Variants in DNAJC6 observed in about 807,000 individuals in gnomAD.
DNAJC6 encodes the protein auxilin.
In DNAJC6, 34 loss-of-function variants were observed where a neutral mutation model predicts 110.0. The ratio of observed to expected loss-of-function variants is 0.31; its 90% confidence interval spans 0.24 to 0.41. DNAJC6 has a LOEUF of 0.41. Ranked by LOEUF, DNAJC6 falls within the 10% of genes least tolerant of loss-of-function variation. DNAJC6 has a pLI of 1.00. For missense variants in DNAJC6, 1,031 were observed against 1,207.8 expected (o/e 0.85, Z 2.17); for synonymous variants, 406 against 437.2 (o/e 0.93, Z 0.89).
intron 15 of DNAJC6, among the ~76,000 whole-genome samples, chr1:65,405,578 T>A (rs1646067941): frequency 6.6e-6 from 1 of 152,132 alleles, no homozygotes; most frequent in Non-Finnish European, 1.5e-5. Flanking sequence ...CAGAATCAAG[T>A]CTCGGCTCAG....
chr1:65,298,518 C>A (rs2101262455), intron 1 of DNAJC6, among the ~76,000 whole-genome samples: 1 of 152,182 alleles, frequency 6.6e-6, no homozygotes, highest in African/African-American at 2.4e-5. Context: ...AGTTACTTCC[C>A]CCAAATTATG....
chr1:65,392,619 G>A lies in DNAJC6; in HGVS notation c.1657G>A (p.Asp553Asn), dbSNP rs934283800. 9 of 1,613,896 alleles carry A rather than the reference G, an allele frequency of 5.6e-6. No individual in the cohort carries two copies. The highest frequency in any genetic ancestry group is 7.6e-6 in the Non-Finnish European group (9 of 1,179,944). ...GCCAGCAGCCCCTCCACCCCCTGAG[G>A]ATGTGGACCTTTTGGGCCTGGAAGG... Reference protein sequence around the residue: ...QEPAAPPPPEDVDLLGLEGSA... With the variant: ...QEPAAPPPPENVDLLGLEGSA... The change falls in exon 12 of 19, where the codon GAT becomes AAT. Residue 553 changes from aspartate to asparagine, a missense_variant. Transcript: ENST00000371069.
At position 65,414,669 on chromosome 1, in the gene DNAJC6, C is replaced by G. The variant is rs1372083058; in HGVS notation, c.*1644C>G. On this transcript the variant is annotated 3_prime_UTR_variant, in exon 19 of 19. Transcript: ENST00000371069. ...CAATGTGAAACTCGAAGAAAATGTT[C>G]TCTTTTTAAATATACAGTCATAAAC... 2 of 152,592 alleles carry G rather than the reference C, an allele frequency of 1.3e-5. No individual in the cohort carries two copies. Among genetic ancestry groups the G allele is most frequent in the Non-Finnish European group, 2.9e-5 (2 of 68,028 alleles). 9.5% of individuals were successfully genotyped at this position (152,592 alleles called of 1,614,324 possible). A position where few individuals can be genotyped will look rare whatever the true frequency, so the allele number is the denominator to read the frequency against.
chr1:65,321,457 A>G (rs1487752241), intron 1 of DNAJC6, among the ~76,000 whole-genome samples: 1 of 152,086 alleles, frequency 6.6e-6, no homozygotes, highest in Admixed American at 6.5e-5. Flanking sequence ...TTGGCCTCCC[A>G]ATATACAGGG....
At chr1:65,389,676 T>G (rs1269498091) in intron 11 of DNAJC6, 49 bp downstream of exon 11, 1 of 1,594,262 alleles carries the variant, frequency 6.3e-7, no homozygotes, top group Non-Finnish European at 8.6e-7. Flanking sequence ...ATTATGTATT[T>G]CTTCTGTAAA....
At chr1:65,336,208 G>A (rs1355637970) in intron 1 of DNAJC6, among the ~76,000 whole-genome samples, 1 of 152,116 alleles carries the variant, frequency 6.6e-6, no homozygotes, top group African/African-American at 2.4e-5. Context: ...TCTTCATGCA[G>A]CAGCAGCAAG....
chr1:65,332,597 C>T (rs922887493), intron 1 of DNAJC6, among the ~76,000 whole-genome samples: 8 of 152,186 alleles, frequency 5.3e-5, no homozygotes, highest in African/African-American at 1.9e-4. Context: ...GGAGTAAGTG[C>T]TGTCACGCTT....
chr1:65,277,925 A>G (rs1653725474), intron 1 of DNAJC6, among the ~76,000 whole-genome samples: 1 of 152,262 alleles, frequency 6.6e-6, no homozygotes. Flanking sequence ...CTTGCCCTAC[A>G]GGGAGTGTCT....
At chr1:65,394,024 A>G (rs890115583) in intron 12 of DNAJC6, among the ~76,000 whole-genome samples, 9 of 152,202 alleles carry the variant, frequency 5.9e-5, no homozygotes, top group Admixed American at 1.3e-4. Flanking sequence ...TCTGTACTTC[A>G]CTTCCTTCCA....
intron 4 of DNAJC6, among the ~76,000 whole-genome samples, chr1:65,374,110 T>G (rs1645736137): frequency 6.6e-6 from 1 of 152,186 alleles, no homozygotes; most frequent in African/African-American, 2.4e-5. Flanking sequence ...GACTTATATC[T>G]GGGTTCTCTA....
intron 1 of DNAJC6, among the ~76,000 whole-genome samples, chr1:65,356,947 T>C (rs1007816108): frequency 6.6e-6 from 1 of 152,218 alleles, no homozygotes; most frequent in Non-Finnish European, 1.5e-5. Flanking sequence ...AAGCAGTGGC[T>C]TTTTCCATGG....
rs11812024 is a variant in DNAJC6 at position 65,328,364 on chromosome 1, C to T, written c.193+18426C>T. 5.1e-4 allele frequency among the ~76,000 whole-genome samples: 77 copies of T among 152,282 alleles called. 1 individual carries two copies. Among genetic ancestry groups the T allele is most frequent in the African/African-American group, 1.8e-3 (74 of 41,540 alleles). On this transcript the variant is annotated intron_variant, in intron 1 of 18. Transcript: ENST00000371069. ...ATTTTTATTGAAATAATTATAGATT[C>T]ACATGCAGTTGTGAGAAACAGTACA...
At chr1:65,290,473 G>A (rs1026534669) in intron 1 of DNAJC6, among the ~76,000 whole-genome samples, 4 of 152,116 alleles carry the variant, frequency 2.6e-5, no homozygotes. Flanking sequence ...TGAAAGCTTT[G>A]TTTTAGAGTA....
At chr1:65,399,401 T>C (rs1256877859) in intron 14 of DNAJC6, among the ~76,000 whole-genome samples, 1 of 152,172 alleles carries the variant, frequency 6.6e-6, no homozygotes, top group Non-Finnish European at 1.5e-5. Context: ...ACTATGGCAT[T>C]TATGGAGCTG....
chr1:65,344,537 G>A (rs1180877148), intron 1 of DNAJC6, among the ~76,000 whole-genome samples: 1 of 152,074 alleles, frequency 6.6e-6, no homozygotes, highest in Non-Finnish European at 1.5e-5. Flanking sequence ...TGTCATTGAT[G>A]CATTTCAGTT....
At chr1:65,375,428 T>G (rs984731758) in intron 4 of DNAJC6, among the ~76,000 whole-genome samples, 1 of 93,060 alleles carries the variant, frequency 1.1e-5, no homozygotes, top group African/African-American at 1.1e-4. Flanking sequence ...AAGTAAAACT[T>G]TTTTTTTTTT....
Position 65,389,642 on chromosome 1 carries a change from T to C in DNAJC6, c.1468+15T>C. ...CTGTTGGCAAGGTATTTACAAGTGT[T>C]TCTTTAAGTCACATGGTTTGATGAT... is the stretch of plus-strand genomic sequence containing the variant. On this transcript the variant is annotated intron_variant, in intron 11 of 18. Transcript: ENST00000371069. The C allele has an allele frequency of 6.2e-7, 1 of 1,612,486 alleles. No individual in the cohort carries two copies. Among genetic ancestry groups the C allele is most frequent in the Non-Finnish European group, 8.5e-7 (1 of 1,178,492 alleles).
chr1:65,405,823 A>G (rs763689856), intron 15 of DNAJC6, 47 bp from the exon 16 acceptor site: 4 of 1,543,272 alleles, frequency 2.6e-6, no homozygotes, highest in Non-Finnish European at 2.6e-6. Context: ...CAAGAGTTAG[A>G]GGCCACTCAA....
chr1:65,389,004 G>T (rs1645898539), intron 9 of DNAJC6, among the ~76,000 whole-genome samples: 1 of 152,150 alleles, frequency 6.6e-6, no homozygotes, highest in Non-Finnish European at 1.5e-5. Flanking sequence ...AGTCACATCA[G>T]CCCTGCTTTC....
Sources: allele counts gnomAD v4.1 joint callset (sites outside exome capture counted in the v4.1 genomes callset), GRCh38; gene constraint gnomAD v4.1.1; transcripts MANE v1.5; gene names NCBI Gene and HGNC (gene_info 2026-07-23, HGNC 2026-07-21).